GMNC: variants seen among roughly 807,000 people sequenced by gnomAD.
GMNC encodes geminin coiled-coil domain containing, also known as geminin coiled-coil domain-containing protein 1.
GMNC carries 16 observed loss-of-function variants against 33.6 expected under a neutral mutation model. The ratio of observed to expected loss-of-function variants is 0.48; its 90% CI spans 0.32 to 0.72. The LOEUF is 0.72. GMNC is among the 30% of genes least tolerant of loss of function. The pLI, the probability that GMNC is intolerant of heterozygous loss-of-function variation, is 0.03. For missense variants in GMNC, 393 were observed against 388.9 expected, an observed-to-expected ratio of 1.01 and a Z score of -0.09; for synonymous variants, 156 against 147.3, an observed-to-expected ratio of 1.06 and a Z score of -0.43.
downstream of GMNC, among the ~76,000 whole-genome samples, chr3:190,850,503 T>C (rs141835363): frequency 2.3e-3 from 355 of 152,306 alleles, 2 homozygotes; most frequent in African/African-American, 8.2e-3. Flanking sequence ...CCTGAAGAAA[T>C]TCGTGTCCGT....
chr3:190,848,630 T>C (rs978774511), downstream of GMNC, among the ~76,000 whole-genome samples: 1 of 152,214 alleles, frequency 6.6e-6, no homozygotes, highest in African/African-American at 2.4e-5. Flanking sequence ...AAGCTTTACA[T>C]TTGCGAATTA....
rs956340385 is a variant in GMNC at position 190,855,788 on chromosome 3, G to A, written c.512C>T (p.Ser171Phe). The change falls in exon 5 of 5, where the codon TCT becomes TTT. Residue 171 changes from serine (S) to phenylalanine (F), a missense_variant. Physicochemically the swap from Ser to Phe is radical, Grantham distance 155. Transcript: ENST00000442080. ...TTCTTCACAGTTAGCAAATTCACTA[G>A]AGAGGTTTCTTTTGGCATTTTTGGG... ...PHPKNAKRNL[S>F]SEFANCEEQA... 6.4e-7 allele frequency: 1 copy of A among 1,551,540 alleles called. No homozygotes were observed. The highest frequency in any genetic ancestry group is 2.0e-5 in the Admixed American group (1 of 50,966).
At chr3:190,850,738 C>T (rs1295784272), downstream of GMNC, among the ~76,000 whole-genome samples, 3 of 152,196 alleles carry the variant, frequency 2.0e-5, no homozygotes, top group African/African-American at 4.8e-5. Context: ...GAGAAAATTC[C>T]GCAACAATAG....
the GMNC span, among the ~76,000 whole-genome samples, chr3:190,844,915 T>C: frequency 1.3e-5 from 2 of 152,304 alleles, no homozygotes; most frequent in African/African-American, 4.8e-5. Context: ...ATCTGCAATA[T>C]GTAGGAGATT....
the GMNC span, among the ~76,000 whole-genome samples, chr3:190,847,143 T>C: frequency 1.3e-5 from 2 of 152,212 alleles, no homozygotes; most frequent in Non-Finnish European, 2.9e-5. Flanking sequence ...TGGTGTCCTT[T>C]ATCTGGCAGA....
At chr3:190,846,481 TACACA>T in the GMNC span, among the ~76,000 whole-genome samples, 7 of 152,154 alleles carry the variant, frequency 4.6e-5, no homozygotes, top group Admixed American at 4.6e-4. Context: ...TAAAATTTAT[TACACA>T]TTTTAACACT....
chr3:190,847,754 CT>C (rs1560033998), downstream of GMNC, among the ~76,000 whole-genome samples: 2 of 152,128 alleles, frequency 1.3e-5, no homozygotes, highest in African/African-American at 4.8e-5. Flanking sequence ...TTTCCTCCCC[CT>C]CTTCCTCTAA....
In GMNC at chr3:190,862,420, AAGAGAGAGAGAG is replaced by A. The variant is rs113249463; in HGVS notation, c.3+181_3+192del. On this transcript the variant is annotated intron_variant, in intron 1 of 4. Coordinates refer to ENST00000442080, the MANE Select transcript of GMNC (RefSeq NM_001146686.3). The surrounding 1 kb of genome is among the most constrained non-coding windows in gnomAD (Gnocchi z 4.5). ...GAAAGAAGAGGGAGAGAGGGAGAGAAAGAGAGAGAGAGAGAGAGAAAGCAGATAGAGGATACT... is the reference window on the plus strand; with the variant it reads ...GAAAGAAGAGGGAGAGAGGGAGAGAAAGAGAGAAAGCAGATAGAGGATACT... Among the ~76,000 whole-genome samples, 1 of 147,822 alleles carries A rather than the reference AAGAGAGAGAGAG, an allele frequency of 6.8e-6. No homozygotes were observed. Among genetic ancestry groups the A allele is most frequent in the Non-Finnish European group, 1.5e-5 (1 of 66,676 alleles).
At chr3:190,847,190 T>C in the GMNC span, among the ~76,000 whole-genome samples, 1 of 152,224 alleles carries the variant, frequency 6.6e-6, no homozygotes, top group Non-Finnish European at 1.5e-5. Context: ...ATTGTGGACC[T>C]ATGTCTTGGT....
Position 190,855,100 on chromosome 3 carries a change from A to C in GMNC, c.*195T>G. 1.7e-6 allele frequency: 1 copy of C among 596,544 alleles called. No individual in the cohort carries two copies. Among genetic ancestry groups the C allele is most frequent in the African/African-American group, 1.9e-5 (1 of 53,858 alleles). 37.0% of individuals were successfully genotyped at this position (596,544 alleles called of 1,614,324 possible). A position where few individuals can be genotyped will look rare whatever the true frequency, so the allele number is the denominator to read the frequency against. On this transcript the variant is annotated 3_prime_UTR_variant, in exon 5 of 5. Coordinates refer to ENST00000442080, the MANE Select transcript of GMNC (RefSeq NM_001146686.3). Reference sequence around the variant, plus strand: ...TAAACAAGTCAAATTTAGGTAAAAGAAGCGCGGACACGTTTCATTATGGAT... The same window carrying C: ...TAAACAAGTCAAATTTAGGTAAAAGCAGCGCGGACACGTTTCATTATGGAT...
the GMNC span, among the ~76,000 whole-genome samples, chr3:190,844,581 G>A: frequency 5.9e-5 from 9 of 151,846 alleles, no homozygotes; most frequent in African/African-American, 2.2e-4. Flanking sequence ...AAGAACGATT[G>A]ATAGTATCAG....
In GMNC at chr3:190,860,873, A is replaced by G. The variant is rs957064614; in HGVS notation, c.4-15T>C. 4.0e-6 allele frequency: 6 copies of G among 1,518,658 alleles called. No individual in the cohort carries two copies. The Admixed American group carries it at 8.0e-5, about 20-fold the overall frequency. 94.1% of individuals were successfully genotyped at this position (1,518,658 alleles called of 1,614,324 possible). On this transcript the variant is annotated splice_polypyrimidine_tract_variant and intron_variant, in intron 1 of 4. Coordinates refer to ENST00000442080, the MANE Select transcript of GMNC (RefSeq NM_001146686.3). ...AGAATGGTGTTCTGTGAAATTCAGT[A>G]TGGGGGGAGTGAGGGGTCCCAAAAG...
rs143083886 is a variant in GMNC, at chr3:190,855,507, T to C, written c.793A>G (p.Ile265Val). 4 of 1,551,754 alleles carry C rather than the reference T, an allele frequency of 2.6e-6. No individual in the cohort carries two copies. The highest frequency in any genetic ancestry group is 3.5e-6 in the Non-Finnish European group (4 of 1,146,950). ...STATHGEDFH[I>V]LSQLSNPPVG... ...GGGGGATTTGAAAGTTGAGAAAGGA[T>C]GTGGAAATCTTCTCCATGAGTGGCA... Residue 265 changes from isoleucine (I) to valine (V), a missense_variant, in exon 5 of 5, where the codon ATC becomes GTC. Transcript: ENST00000442080.
chr3:190,847,451 A>T, the GMNC span, among the ~76,000 whole-genome samples: 46 of 152,322 alleles, frequency 3.0e-4, no homozygotes, highest in East Asian at 7.9e-3. Flanking sequence ...TGCAGCTCAG[A>T]TCATTGCCTG....
At chr3:190,848,335 T>C (rs1260388298), downstream of GMNC, among the ~76,000 whole-genome samples, 2 of 152,202 alleles carry the variant, frequency 1.3e-5, no homozygotes, top group Non-Finnish European at 2.9e-5. Context: ...ATTCTCTACA[T>C]AGGCCCCACA....
downstream of GMNC, among the ~76,000 whole-genome samples, chr3:190,851,661 T>C (rs1321714494): frequency 6.6e-6 from 1 of 152,192 alleles, no homozygotes; most frequent in African/African-American, 2.4e-5. Context: ...TTATTAATCA[T>C]ACTACTATTT....
chr3:190,849,154 A>G (rs1229201712), downstream of GMNC, among the ~76,000 whole-genome samples: 2 of 152,120 alleles, frequency 1.3e-5, no homozygotes, highest in Admixed American at 1.3e-4. Flanking sequence ...ACTATTGTGG[A>G]AATTTGGAGG....
downstream of GMNC, among the ~76,000 whole-genome samples, chr3:190,852,285 G>A (rs13100996): frequency 0.045 from 6,852 of 152,008 alleles, 217 homozygotes; most frequent in Non-Finnish European, 0.064. Flanking sequence ...TAAAAAAGTC[G>A]TTTTCTTGAA....
chr3:190,848,168 T>G (rs1054412171), downstream of GMNC, among the ~76,000 whole-genome samples: 3 of 152,232 alleles, frequency 2.0e-5, no homozygotes, highest in African/African-American at 7.2e-5. Context: ...GCAATTGTCT[T>G]GACTCTTTTG....
Sources: gnomAD v4.1 joint callset for allele counts (sites outside exome capture counted in the v4.1 genomes callset) on GRCh38, gnomAD v4.1.1 for gene constraint, Gnocchi (gnomAD v3.1) non-coding constraint, MANE v1.5 for transcripts, NCBI Gene and HGNC (gene_info 2026-07-23, HGNC 2026-07-21) for gene names.